Variants in GABRA3 observed in about 807,000 individuals in gnomAD.
GABRA3 encodes the protein gamma-aminobutyric acid type A receptor subunit alpha3.
Under a neutral mutation model 30.1 loss-of-function variants are expected in GABRA3, and 10 were observed. The ratio of observed to expected loss-of-function variants is 0.33; its 90% CI spans 0.20 to 0.56. The LOEUF is 0.56. Among genes scored for constraint, GABRA3 ranks in the 20% least tolerant of loss-of-function variants. GABRA3 has a pLI of 0.89. For synonymous variants in GABRA3, 151 were observed against 146.8 expected (o/e 1.03, Z -0.21); for missense variants, 233 against 392.0 (o/e 0.59, Z 3.42).
intron 5 of GABRA3, among the ~76,000 whole-genome samples, chrX:152,231,216 CAT>C (rs1423967618): frequency 9.4e-6 from 1 of 106,049 alleles, no homozygotes; most frequent in East Asian, 3.0e-4. Flanking sequence ...TATATATATA[CAT>C]ACACGTATAT....
intron 5 of GABRA3, among the ~76,000 whole-genome samples, chrX:152,245,290 T>C (rs981859247): frequency 9.0e-6 from 1 of 111,407 alleles, no homozygotes; most frequent in Non-Finnish European, 1.9e-5. Context: ...CAGCTATTTC[T>C]ATAATAATGG....
At chrX:152,412,429 T>C (rs1358220871) in intron 1 of GABRA3, among the ~76,000 whole-genome samples, 1 of 112,027 alleles carries the variant, frequency 8.9e-6, no homozygotes, top group Non-Finnish European at 1.9e-5. Context: ...CAAATATCTG[T>C]CAACGGATGA....
chrX:152,323,226 A>G (rs894522734), intron 3 of GABRA3, among the ~76,000 whole-genome samples: 17 of 111,613 alleles, frequency 1.5e-4, no homozygotes, highest in Admixed American at 9.5e-5. Context: ...TTGGAGTGGG[A>G]TATCATTCAG....
chrX:152,233,330 A>T (rs773529580), intron 5 of GABRA3, among the ~76,000 whole-genome samples: 1 of 111,009 alleles, frequency 9.0e-6, no homozygotes, highest in Non-Finnish European at 1.9e-5. Context: ...CCATTTGTCA[A>T]TTTTGGCTTT....
chrX:152,199,364 C>CAA (rs1343097115), intron 7 of GABRA3, among the ~76,000 whole-genome samples: 1 of 86,224 alleles, frequency 1.2e-5, no homozygotes, highest in Non-Finnish European at 2.3e-5. Flanking sequence ...GACTCTGTCT[C>CAA]AAAAAAAAAA....
intron 1 of GABRA3, among the ~76,000 whole-genome samples, chrX:152,408,913 C>T (rs1297985143): frequency 8.9e-6 from 1 of 111,917 alleles, no homozygotes; most frequent in African/African-American, 3.2e-5. Context: ...AGATATAAAT[C>T]CATGCATTTG....
intron 1 of GABRA3, among the ~76,000 whole-genome samples, chrX:152,401,994 C>T (rs1423130599): frequency 8.9e-6 from 1 of 111,798 alleles, no homozygotes; most frequent in Admixed American, 9.5e-5. Context: ...CTTCAGCTCA[C>T]CCACATACCC....
At chrX:152,292,980 C>T (rs764580179) in intron 3 of GABRA3, among the ~76,000 whole-genome samples, 14 of 111,180 alleles carry the variant, frequency 1.3e-4, no homozygotes, top group Non-Finnish European at 2.1e-4. Context: ...ACTATGTGGT[C>T]GACTTTGGAA....
At chrX:152,276,976 T>C (rs1266999897) in intron 4 of GABRA3, among the ~76,000 whole-genome samples, 1 of 112,065 alleles carries the variant, frequency 8.9e-6, no homozygotes, top group African/African-American at 3.2e-5. Flanking sequence ...ATTTTGCTTG[T>C]ATCTTTAAAT....
chrX:152,268,086 GTCTT>G (rs754876726), intron 4 of GABRA3, among the ~76,000 whole-genome samples: 357 of 108,847 alleles, frequency 3.3e-3, no homozygotes, highest in African/African-American at 0.012. Flanking sequence ...TTTTTGGAGT[GTCTT>G]TCTATTTTTT....
intron 3 of GABRA3, among the ~76,000 whole-genome samples, chrX:152,336,549 T>C (rs1398357554): frequency 8.9e-6 from 1 of 112,018 alleles, no homozygotes; most frequent in East Asian, 2.8e-4. Context: ...AACATACACA[T>C]CTAGAAATAC....
chrX:152,401,827 G>A (rs1042408618), intron 1 of GABRA3, among the ~76,000 whole-genome samples: 8 of 111,468 alleles, frequency 7.2e-5, no homozygotes, highest in African/African-American at 2.6e-4. Flanking sequence ...GGAGAACAGC[G>A]ACTATAGGAT....
intron 3 of GABRA3, among the ~76,000 whole-genome samples, chrX:152,331,845 T>C (rs1277598034): frequency 2.7e-5 from 3 of 111,686 alleles, no homozygotes; most frequent in Non-Finnish European, 5.6e-5. Context: ...TGTACTATGA[T>C]CAATAATAAT....
intron 1 of GABRA3, among the ~76,000 whole-genome samples, chrX:152,428,628 C>T (rs2336196): frequency 1.8e-5 from 2 of 110,613 alleles, no homozygotes; most frequent in African/African-American, 3.4e-5. Context: ...TCCCCAAATG[C>T]TTGTGGAAAC....
intron 1 of GABRA3, among the ~76,000 whole-genome samples, chrX:152,435,235 C>T (rs12389396): frequency 0.024 from 2,684 of 110,798 alleles, 69 homozygotes; most frequent in African/African-American, 0.071. Flanking sequence ...CCCAGCAATC[C>T]CATTACTGAG....
At position 152,175,406 on chromosome X, in the gene GABRA3, C is replaced by A. The variant is rs757248066; in HGVS notation, c.1144-6843G>T. On this transcript the variant is annotated intron_variant, in intron 9 of 9. Coordinates refer to ENST00000370314, the MANE Select transcript of GABRA3 (RefSeq NM_000808.4). ...AAATCATCCATTTATTTAATATTTT[C>A]TGCGTCTACAATGTGACAGGTTCTG... 6.3e-5 allele frequency among the ~76,000 whole-genome samples: 7 copies of A among 111,334 alleles called. No individual in the cohort carries two copies. In the East Asian group the frequency reaches 1.7e-3, roughly 27 times the overall value.
At chrX:152,321,078 T>C (rs1348005057) in intron 3 of GABRA3, among the ~76,000 whole-genome samples, 1 of 112,373 alleles carries the variant, frequency 8.9e-6, no homozygotes, top group Non-Finnish European at 1.9e-5. Flanking sequence ...CAGAATCTTC[T>C]CTGCTATAGA....
chrX:152,383,588 A>G lies in GABRA3; in HGVS notation c.-26-18992T>C, dbSNP rs913113338. Among the ~76,000 whole-genome samples, 4 of 108,866 alleles carry G rather than the reference A, an allele frequency of 3.7e-5. No individual in the cohort carries two copies. The Admixed American group carries it at 4.0e-4, about 11-fold the overall frequency. 94.5% of individuals were successfully genotyped at this position (108,866 alleles called of 115,157 possible). A position where few individuals can be genotyped will look rare whatever the true frequency, so the allele number is the denominator to read the frequency against. On this transcript the variant is annotated intron_variant, in intron 1 of 9. Transcript: ENST00000370314. ...AAGATGGTTTAACATATGCAAATCA[A>G]AAATTTATAATACTCCATATTAAGA...
intron 7 of GABRA3, among the ~76,000 whole-genome samples, chrX:152,205,499 T>C (rs1376835648): frequency 8.9e-6 from 1 of 111,910 alleles, no homozygotes; most frequent in African/African-American, 3.2e-5. Flanking sequence ...GATCCATCTA[T>C]ATGAGGACAT....
Sources: gnomAD v4.1 joint callset for allele counts (sites outside exome capture counted in the v4.1 genomes callset) on GRCh38, gnomAD v4.1.1 for gene constraint, MANE v1.5 for transcripts, NCBI Gene and HGNC (gene_info 2026-07-23, HGNC 2026-07-21) for gene names.